TBXAS1: variants seen among roughly 807,000 people sequenced by gnomAD.
TBXAS1 encodes the protein thromboxane-A synthase.
Under a neutral mutation model 60.7 loss-of-function variants are expected in TBXAS1, and 48 were observed. That is an observed-to-expected ratio of 0.79 (90% CI 0.63 to 1.01). The LOEUF (loss-of-function observed/expected upper bound fraction) is 1.01, where lower values mean the gene tolerates loss of function less well. Ranked by LOEUF, TBXAS1 falls within the 50% of genes least tolerant of loss-of-function variation. The pLI is 0.00. For synonymous variants in TBXAS1, 287 were observed against 269.7 expected (o/e 1.06, Z -0.63); for missense variants, 685 against 686.3 (o/e 1.00, Z 0.02).
chr7:139,799,486 C>T (rs1438640844), intron 4 of TBXAS1, among the ~76,000 whole-genome samples: 12 of 152,106 alleles, frequency 7.9e-5, no homozygotes, highest in Admixed American at 3.3e-4. Flanking sequence ...CTGCCTCGGC[C>T]TCCCAAGTGC....
At chr7:139,994,913 G>T (rs1291765860) in intron 9 of TBXAS1, among the ~76,000 whole-genome samples, 1 of 152,206 alleles carries the variant, frequency 6.6e-6, no homozygotes, top group East Asian at 1.9e-4. Flanking sequence ...CCCACCTGAC[G>T]ACAGTGGGGG....
chr7:139,906,878 G>A lies in TBXAS1; in HGVS notation c.237-4347G>A, dbSNP rs920847532. ...GTAGAAATGCTATTGACTTTTTTTTGTATGTTGATCTGGAATCCTGCAACC... is the reference window on the plus strand; with the variant it reads ...GTAGAAATGCTATTGACTTTTTTTTATATGTTGATCTGGAATCCTGCAACC... On this transcript the variant is annotated intron_variant, in intron 3 of 12. Coordinates refer to ENST00000448866, the MANE Select transcript of TBXAS1 (RefSeq NM_001061.7). Among the ~76,000 whole-genome samples, 5 of 151,834 alleles carry A rather than the reference G, an allele frequency of 3.3e-5. No individual in the cohort carries two copies. The East Asian group carries it at 7.7e-4, about 23-fold the overall frequency.
chr7:139,952,560 T>G, intron 5 of TBXAS1: 1 of 1,536,888 alleles, frequency 6.5e-7, no homozygotes, highest in Non-Finnish European at 8.7e-7. Context: ...GCTTGGCCTT[T>G]TAATCATGCA....
At chr7:140,002,106 A>G (rs1054770722) in intron 9 of TBXAS1, among the ~76,000 whole-genome samples, 1 of 152,202 alleles carries the variant, frequency 6.6e-6, no homozygotes, top group Non-Finnish European at 1.5e-5. Flanking sequence ...CCAATTCCAT[A>G]TGTATTCCTT....
At chr7:139,822,265 TTC>T (rs138999510) in intron 4 of TBXAS1, among the ~76,000 whole-genome samples, 19 of 149,832 alleles carry the variant, frequency 1.3e-4, no homozygotes, top group East Asian at 2.0e-4. Flanking sequence ...CTTATACTCT[TTC>T]TCTCTCTCTC....
intron 1 of TBXAS1, among the ~76,000 whole-genome samples, chr7:139,871,150 T>C (rs1801796617): frequency 6.6e-6 from 1 of 152,138 alleles, no homozygotes; most frequent in Admixed American, 6.5e-5. Context: ...AATATTTGAG[T>C]ATTTTTATTT....
intron 4 of TBXAS1, among the ~76,000 whole-genome samples, chr7:139,925,008 G>A (rs972409362): frequency 6.6e-6 from 1 of 152,068 alleles, no homozygotes; most frequent in Admixed American, 6.6e-5. Context: ...CTATTCCATT[G>A]GTCTATGTGT....
intron 9 of TBXAS1, among the ~76,000 whole-genome samples, chr7:139,979,372 TA>T (rs112287188): frequency 1.1e-4 from 17 of 150,372 alleles, no homozygotes; most frequent in East Asian, 3.9e-4. Flanking sequence ...ATCTTTACCA[TA>T]AAAAAAAACA....
chr7:139,947,581 G>C (rs970808109), intron 5 of TBXAS1, among the ~76,000 whole-genome samples: 2 of 152,124 alleles, frequency 1.3e-5, no homozygotes, highest in Non-Finnish European at 2.9e-5. Context: ...TTAAAAAACT[G>C]GGTACTTTAA....
intron 3 of TBXAS1, among the ~76,000 whole-genome samples, chr7:139,892,490 G>T (rs1447046528): frequency 1.3e-5 from 2 of 152,184 alleles, no homozygotes; most frequent in Non-Finnish European, 2.9e-5. Flanking sequence ...CTACTCAGGA[G>T]GCTGAGGCAG....
At chr7:139,839,695 A>AAAC (rs1554472247) in intron 1 of TBXAS1, among the ~76,000 whole-genome samples, 1 of 145,810 alleles carries the variant, frequency 6.9e-6, no homozygotes, top group Non-Finnish European at 1.5e-5. Context: ...AAAAAAAAAA[A>AAAC]CAAATCAAAA....
chr7:139,901,781 A>G (rs1457616881), intron 3 of TBXAS1, among the ~76,000 whole-genome samples: 1 of 151,974 alleles, frequency 6.6e-6, no homozygotes, highest in East Asian at 1.9e-4. Flanking sequence ...CTAGGACAGC[A>G]TTTCTCAGAG....
Position 139,999,505 on chromosome 7 carries a change from T to C in TBXAS1, c.1135-7586T>C, listed in dbSNP as rs1436918477. On this transcript the variant is annotated intron_variant, in intron 9 of 12. Transcript: ENST00000448866. This position sits in a 1 kb window ranked among gnomAD's most constrained non-coding sequence, Gnocchi z 4.3. ...TACCATTGCACTCCAGCCTGGGGGA[T>C]AGAGCAAGACTCTGTCTCCAAAAAA... is the stretch of plus-strand genomic sequence containing the variant. 1.3e-5 allele frequency among the ~76,000 whole-genome samples: 2 copies of C among 152,110 alleles called. No individual in the cohort carries two copies. The highest frequency in any genetic ancestry group is 4.8e-5 in the African/African-American group (2 of 41,406).
At chr7:139,795,277 A>AT (rs1797531845) in intron 4 of TBXAS1, among the ~76,000 whole-genome samples, 1 of 116,524 alleles carries the variant, frequency 8.6e-6, no homozygotes, top group Non-Finnish European at 1.7e-5. Context: ...GATGATGAGC[A>AT]TTTTTTCATG....
At chr7:139,933,593 A>G (rs954176460) in intron 4 of TBXAS1, among the ~76,000 whole-genome samples, 2 of 152,184 alleles carry the variant, frequency 1.3e-5, no homozygotes, top group Admixed American at 1.3e-4. Context: ...CTGCAGAAAA[A>G]AATATCCCAG....
chr7:139,788,658 C>G (rs1324530330), intron 4 of TBXAS1, among the ~76,000 whole-genome samples: 1 of 152,154 alleles, frequency 6.6e-6, no homozygotes, highest in Non-Finnish European at 1.5e-5. Flanking sequence ...GACTTGGAGA[C>G]ACTGAGTTCT....
chr7:139,828,437 G>A (rs544973128), upstream of TBXAS1, among the ~76,000 whole-genome samples: 5 of 152,294 alleles, frequency 3.3e-5, no homozygotes, highest in African/African-American at 1.2e-4. Flanking sequence ...CGCAAATGGG[G>A]CACTCACAGT....
intron 4 of TBXAS1, among the ~76,000 whole-genome samples, chr7:139,810,992 C>T (rs1033047543): frequency 7.2e-5 from 11 of 152,212 alleles, no homozygotes; most frequent in African/African-American, 2.7e-4. Context: ...AGATTTTATT[C>T]TCTCCCTAAA....
chr7:139,892,102 A>G (rs1015601313), intron 3 of TBXAS1, among the ~76,000 whole-genome samples: 1 of 152,174 alleles, frequency 6.6e-6, no homozygotes, highest in African/African-American at 2.4e-5. Context: ...CAAGTCATTA[A>G]TTGGAGTCTT....
Sources: allele counts gnomAD v4.1 joint callset (sites outside exome capture counted in the v4.1 genomes callset), GRCh38; gene constraint gnomAD v4.1.1; non-coding constraint Gnocchi (gnomAD v3.1); transcripts MANE v1.5; gene names NCBI Gene and HGNC (gene_info 2026-07-23, HGNC 2026-07-21).